The following ANKIB1 variants were observed in gnomAD, a reference collection of about 807,000 sequenced individuals.
ANKIB1 encodes ankyrin repeat and IBR domain containing 1.
In ANKIB1, 43 loss-of-function variants were observed where a neutral mutation model predicts 122.1. The ratio of observed to expected loss-of-function variants is 0.35; its 90% CI spans 0.28 to 0.45. The LOEUF is 0.45. Ranked by LOEUF, ANKIB1 falls within the 20% of genes least tolerant of loss-of-function variation. The probability of loss-of-function intolerance (pLI) is 1.00; values close to 1 mark genes in which losing one functional copy is unlikely to be tolerated. For synonymous variants in ANKIB1, 390 were observed against 442.0 expected, an observed-to-expected ratio of 0.88 and a Z score of 1.48; for missense variants, 992 against 1,329.5, an observed-to-expected ratio of 0.75 and a Z score of 3.95.
At chr7:92,273,100 C>A (rs1801832033) in intron 1 of ANKIB1, among the ~76,000 whole-genome samples, 1 of 151,906 alleles carries the variant, frequency 6.6e-6, no homozygotes, top group African/African-American at 2.4e-5. Flanking sequence ...TATGGTGGCC[C>A]CCGTAAGTGC....
chr7:92,332,224 G>T (rs1381126684), intron 5 of ANKIB1, among the ~76,000 whole-genome samples: 1 of 152,168 alleles, frequency 6.6e-6, no homozygotes, highest in Non-Finnish European at 1.5e-5. Flanking sequence ...AAGCAAATAA[G>T]ATTTACAGAG....
At chr7:92,338,933 A>AAAATATATATAT (rs1562786305) in intron 5 of ANKIB1, among the ~76,000 whole-genome samples, 4 of 21,920 alleles carry the variant, frequency 1.8e-4, no homozygotes, top group Non-Finnish European at 3.2e-4. Flanking sequence ...AAAAAAAAAA[A>AAAATATATATAT]ATATATATAT....
chr7:92,356,969 G>A (rs1181048819), intron 9 of ANKIB1, among the ~76,000 whole-genome samples: 1 of 152,204 alleles, frequency 6.6e-6, no homozygotes, highest in Non-Finnish European at 1.5e-5. Flanking sequence ...AATTCACTCA[G>A]AATTGCTTAT....
intron 3 of ANKIB1, among the ~76,000 whole-genome samples, chr7:92,312,580 G>C: frequency 6.6e-6 from 1 of 152,128 alleles, no homozygotes; most frequent in Admixed American, 6.5e-5. Flanking sequence ...TATAATTTTC[G>C]TATGTCATGA....
rs774800661 is a variant in ANKIB1, at chr7:92,344,996, A to G, written c.1015A>G (p.Ser339Gly). The change falls in exon 7 of 20, where the codon AGT (serine) becomes GGT (glycine). Residue 339 changes from serine (S) to glycine (G), a missense_variant. Physicochemically the swap from Ser to Gly is moderately conservative, Grantham distance 56. Transcript: ENST00000265742. ...TCTCCAGTGTGACATTTGTATGTGC[A>G]GTATCTCTGTATTTGAAGACCCTGT... ...DTSLCDICMC[S>G]ISVFEDPVDM... The G allele has an allele frequency of 2.5e-6, 4 of 1,612,380 alleles. No homozygotes were observed. Among genetic ancestry groups the G allele is most frequent in the East Asian group, 2.2e-5 (1 of 44,790 alleles).
At position 92,304,366 on chromosome 7, in the gene ANKIB1, G is replaced by C. The variant is rs369041913; in HGVS notation, c.189-2993G>C. Among the ~76,000 whole-genome samples, 4 of 152,246 alleles carry C rather than the reference G, an allele frequency of 2.6e-5. 1 individual carries two copies. On this transcript the variant is annotated intron_variant, in intron 2 of 19. Coordinates refer to ENST00000265742, the MANE Select transcript of ANKIB1 (RefSeq NM_019004.2). Reference sequence around the variant, plus strand: ...TCAGAATAATACACTCTCTGTGTTTGGTTTGATTAATGAACCCGGCGGATT... The same window carrying C: ...TCAGAATAATACACTCTCTGTGTTTCGTTTGATTAATGAACCCGGCGGATT...
At chr7:92,270,846 G>A (rs971520014) in intron 1 of ANKIB1, among the ~76,000 whole-genome samples, 11 of 144,700 alleles carry the variant, frequency 7.6e-5, no homozygotes, top group Admixed American at 3.6e-4. Flanking sequence ...CATCTAGGTT[G>A]TAGCATTTTC....
chr7:92,297,514 T>C (rs1017997041), intron 2 of ANKIB1, among the ~76,000 whole-genome samples: 1 of 152,220 alleles, frequency 6.6e-6, no homozygotes, highest in Non-Finnish European at 1.5e-5. Context: ...TATCTTTAAA[T>C]CATCCTTGAT....
chr7:92,281,413 C>T (rs1468997556), intron 1 of ANKIB1, among the ~76,000 whole-genome samples: 2 of 152,216 alleles, frequency 1.3e-5, no homozygotes. Context: ...AGTTCCCAGA[C>T]ACCAGCCATG....
intron 2 of ANKIB1, among the ~76,000 whole-genome samples, chr7:92,296,512 T>C (rs1187224525): frequency 6.6e-6 from 1 of 152,142 alleles, no homozygotes; most frequent in African/African-American, 2.4e-5. Flanking sequence ...TAAATTTTGC[T>C]CTTCAAGATC....
At chr7:92,266,610 C>T (rs1801676061) in intron 1 of ANKIB1, among the ~76,000 whole-genome samples, 1 of 152,144 alleles carries the variant, frequency 6.6e-6, no homozygotes, top group African/African-American at 2.4e-5. Context: ...GGAAGTGCTC[C>T]ACCAGCGGAA....
intron 1 of ANKIB1, among the ~76,000 whole-genome samples, chr7:92,250,055 G>A (rs1302835419): frequency 1.3e-5 from 2 of 151,956 alleles, no homozygotes; most frequent in African/African-American, 4.8e-5. Context: ...GCTTTGAATA[G>A]AAAAATCCTA....
intron 5 of ANKIB1, among the ~76,000 whole-genome samples, chr7:92,340,557 A>G (rs1803415883): frequency 6.6e-6 from 1 of 152,248 alleles, no homozygotes. Flanking sequence ...TCAATTCATC[A>G]ATTTGTCTAG....
chr7:92,372,754 T>G (rs1804300356), intron 11 of ANKIB1, among the ~76,000 whole-genome samples: 1 of 152,186 alleles, frequency 6.6e-6, no homozygotes, highest in Admixed American at 6.5e-5. Context: ...AACATTTTAT[T>G]AATCCCTACC....
chr7:92,340,772 A>G (rs1031376474), intron 5 of ANKIB1, among the ~76,000 whole-genome samples: 1 of 152,258 alleles, frequency 6.6e-6, no homozygotes, highest in Non-Finnish European at 1.5e-5. Context: ...CTTTAAATTG[A>G]CAAGAAATTG....
chr7:92,293,842 T>C (rs1406909552), intron 1 of ANKIB1, among the ~76,000 whole-genome samples: 1 of 152,236 alleles, frequency 6.6e-6, no homozygotes, highest in Non-Finnish European at 1.5e-5. Flanking sequence ...TCTTTGTCAC[T>C]AATTTTCATC....
chr7:92,323,725 G>A (rs1446048598), intron 4 of ANKIB1, among the ~76,000 whole-genome samples: 3 of 152,156 alleles, frequency 2.0e-5, no homozygotes, highest in Admixed American at 1.3e-4. Context: ...GGGTAAACAA[G>A]ATGTGAGATA....
chr7:92,261,020 A>G (rs1177150279), intron 1 of ANKIB1, among the ~76,000 whole-genome samples: 5 of 149,568 alleles, frequency 3.3e-5, no homozygotes, highest in African/African-American at 1.2e-4. Flanking sequence ...TCTAAAATTG[A>G]TAAAGTCCAA....
At chr7:92,305,586 G>A (rs1260240233) in intron 2 of ANKIB1, among the ~76,000 whole-genome samples, 1 of 152,168 alleles carries the variant, frequency 6.6e-6, no homozygotes, top group Non-Finnish European at 1.5e-5. Flanking sequence ...AAAGAAAAGA[G>A]TGGCAAACTG....
Sources: allele counts gnomAD v4.1 joint callset (sites outside exome capture counted in the v4.1 genomes callset), GRCh38; gene constraint gnomAD v4.1.1; transcripts MANE v1.5; gene names NCBI Gene and HGNC (gene_info 2026-07-23, HGNC 2026-07-21).